GRID2: variants seen among roughly 807,000 people sequenced by gnomAD.
GRID2 encodes glutamate receptor ionotropic, delta-2.
Under a neutral mutation model 114.8 loss-of-function variants are expected in GRID2, and 33 were observed. The observed-to-expected ratio is 0.29, with a 90% CI of 0.22 to 0.38. The LOEUF (loss-of-function observed/expected upper bound fraction) is 0.38, where lower values mean the gene tolerates loss of function less well. Ranked by LOEUF, GRID2 falls within the 10% of genes least tolerant of loss-of-function variation. The pLI is 1.00. For missense variants in GRID2, 1,184 were observed against 1,257.7 expected (o/e 0.94, Z 0.89); for synonymous variants, 505 against 449.9 (o/e 1.12, Z -1.55).
chr4:92,472,719 C>T (rs567237882), intron 1 of GRID2, among the ~76,000 whole-genome samples: 10 of 152,042 alleles, frequency 6.6e-5, no homozygotes, highest in Non-Finnish European at 1.3e-4. Flanking sequence ...ATGCATTTTC[C>T]TTCATTGTTT....
At chr4:92,990,650 T>C (rs1339370260) in intron 2 of GRID2, among the ~76,000 whole-genome samples, 1 of 151,930 alleles carries the variant, frequency 6.6e-6, no homozygotes, top group Non-Finnish European at 1.5e-5. Flanking sequence ...TAGTAAATGC[T>C]ACGTATATTT....
chr4:92,410,412 C>A (rs1251348203), intron 1 of GRID2, among the ~76,000 whole-genome samples: 1 of 152,186 alleles, frequency 6.6e-6, no homozygotes, highest in East Asian at 1.9e-4. Flanking sequence ...TTGAGAGATA[C>A]AATTCATATA....
At chr4:92,729,492 A>G (rs1736226710) in intron 2 of GRID2, among the ~76,000 whole-genome samples, 4 of 152,028 alleles carry the variant, frequency 2.6e-5, no homozygotes, top group Admixed American at 6.6e-5. Flanking sequence ...ATAACATTTC[A>G]AAGTCACTTC....
intron 11 of GRID2, among the ~76,000 whole-genome samples, chr4:93,489,681 T>A (rs968879176): frequency 3.3e-5 from 5 of 151,888 alleles, no homozygotes; most frequent in Non-Finnish European, 7.4e-5. Flanking sequence ...TGGGATGTAA[T>A]TTGAATGTAA....
rs766412509 is a variant in GRID2 at position 93,773,562 on chromosome 4, T to A, written c.*1064T>A. On this transcript the variant is annotated 3_prime_UTR_variant, in exon 16 of 16. Coordinates refer to ENST00000282020, the MANE Select transcript of GRID2 (RefSeq NM_001510.4). ...ATAATTTTACTTTTAATTAATTATCTAAATGAAAAATGCTATTAGCTGAAC... is the reference window on the plus strand; with the variant it reads ...ATAATTTTACTTTTAATTAATTATCAAAATGAAAAATGCTATTAGCTGAAC... The A allele has an allele frequency of 1.3e-5, 2 of 152,134 alleles. No homozygotes were observed. Among genetic ancestry groups the A allele is most frequent in the Non-Finnish European group, 2.9e-5 (2 of 67,992 alleles). 9.4% of individuals were successfully genotyped at this position (152,134 alleles called of 1,614,324 possible). A position where few individuals can be genotyped will look rare whatever the true frequency, so the allele number is the denominator to read the frequency against.
chr4:92,613,356 C>A (rs1390274124), intron 2 of GRID2, among the ~76,000 whole-genome samples: 1 of 151,364 alleles, frequency 6.6e-6, no homozygotes, highest in Non-Finnish European at 1.5e-5. Context: ...AATCTGTATT[C>A]ATGAGATATA....
chr4:92,752,117 G>A (rs962982088), intron 2 of GRID2, among the ~76,000 whole-genome samples: 1 of 152,196 alleles, frequency 6.6e-6, no homozygotes, highest in Non-Finnish European at 1.5e-5. Flanking sequence ...GATTCTGAGA[G>A]AAGTGGTGAA....
intron 5 of GRID2, among the ~76,000 whole-genome samples, chr4:93,213,788 A>G (rs969249368): frequency 7.8e-6 from 1 of 128,512 alleles, no homozygotes; most frequent in Non-Finnish European, 1.7e-5. Context: ...TCCCCAGAAG[A>G]TATTTTAGCA....
chr4:92,810,226 T>A (rs1468752522), intron 2 of GRID2, among the ~76,000 whole-genome samples: 2 of 151,914 alleles, frequency 1.3e-5, no homozygotes, highest in African/African-American at 4.8e-5. Context: ...TTGATGAAAT[T>A]AGAGATTTTT....
At chr4:93,428,896 C>A (rs1769128886) in intron 10 of GRID2, among the ~76,000 whole-genome samples, 1 of 152,084 alleles carries the variant, frequency 6.6e-6, no homozygotes, top group African/African-American at 2.4e-5. Flanking sequence ...GTGGGTTGAT[C>A]ACAAAGGCGC....
At chr4:92,830,688 C>G (rs1423959721) in intron 2 of GRID2, among the ~76,000 whole-genome samples, 1 of 152,164 alleles carries the variant, frequency 6.6e-6, no homozygotes, top group African/African-American at 2.4e-5. Context: ...GTTGAGTTTA[C>G]TAAGAGATTC....
chr4:93,536,045 T>C (rs1732033207), intron 13 of GRID2, among the ~76,000 whole-genome samples: 2 of 151,900 alleles, frequency 1.3e-5, no homozygotes, highest in African/African-American at 4.8e-5. Flanking sequence ...ACATTGATGA[T>C]AAAATGAAGA....
chr4:93,757,039 A>G (rs945172371), intron 14 of GRID2, among the ~76,000 whole-genome samples: 9 of 152,228 alleles, frequency 5.9e-5, no homozygotes, highest in African/African-American at 2.2e-4. Flanking sequence ...ACATTTTTGC[A>G]GAGGAGATGG....
At chr4:92,534,438 A>G (rs939331689) in intron 1 of GRID2, among the ~76,000 whole-genome samples, 2 of 152,188 alleles carry the variant, frequency 1.3e-5, no homozygotes, top group African/African-American at 4.8e-5. Context: ...AACAGGGTAA[A>G]TTATAGGTGG....
chr4:92,957,035 T>C (rs1752456024), intron 2 of GRID2, among the ~76,000 whole-genome samples: 1 of 152,172 alleles, frequency 6.6e-6, no homozygotes, highest in Admixed American at 6.5e-5. Context: ...GCATTCCTTG[T>C]AAATTTTGTA....
At chr4:92,746,921 G>T (rs1737175056) in intron 2 of GRID2, among the ~76,000 whole-genome samples, 1 of 152,000 alleles carries the variant, frequency 6.6e-6, no homozygotes, top group African/African-American at 2.4e-5. Flanking sequence ...TCACCAATTA[G>T]GTAAGTTATT....
intron 2 of GRID2, among the ~76,000 whole-genome samples, chr4:92,908,511 G>T (rs895781464): frequency 7.2e-6 from 1 of 138,182 alleles, no homozygotes; most frequent in Non-Finnish European, 1.5e-5. Flanking sequence ...GCAGTGAGTC[G>T]ACATCGTGCC....
intron 1 of GRID2, among the ~76,000 whole-genome samples, chr4:92,460,057 C>CGT (rs1721421716): frequency 3.4e-5 from 1 of 29,504 alleles, no homozygotes; most frequent in African/African-American, 1.0e-4. Flanking sequence ...TATATATACA[C>CGT]ACACAACTTT....
chr4:92,998,871 A>G (rs1201600079), intron 2 of GRID2, among the ~76,000 whole-genome samples: 1 of 151,886 alleles, frequency 6.6e-6, no homozygotes, highest in Non-Finnish European at 1.5e-5. Context: ...CAATCATTTC[A>G]TGGTAAAGCT....
Sources: gnomAD v4.1 joint callset for allele counts (sites outside exome capture counted in the v4.1 genomes callset) on GRCh38, gnomAD v4.1.1 for gene constraint, MANE v1.5 for transcripts, NCBI Gene and HGNC (gene_info 2026-07-23, HGNC 2026-07-21) for gene names.